The following TEX36 variants were observed in gnomAD, a reference collection of about 807,000 sequenced individuals.
TEX36 encodes the protein testis-expressed protein 36.
Under a neutral mutation model 13.6 loss-of-function variants are expected in TEX36, and 12 were observed. That is an observed-to-expected ratio of 0.88 (90% CI 0.56 to 1.43). The LOEUF is 1.43. Among genes scored for constraint, TEX36 ranks in the 40% most tolerant of loss-of-function variants. The probability of loss-of-function intolerance (pLI) is 0.00; values close to 1 mark genes in which losing one functional copy is unlikely to be tolerated. For missense variants in TEX36, 224 were observed against 228.3 expected (o/e 0.98, Z 0.12); for synonymous variants, 93 against 83.0 (o/e 1.12, Z -0.65).
chr10:125,676,617 A>T (rs1589790920), intron 1 of TEX36, among the ~76,000 whole-genome samples: 1 of 152,034 alleles, frequency 6.6e-6, no homozygotes, highest in African/African-American at 2.4e-5. Context: ...GTTTCTGTTC[A>T]AAGTTATTAT....
intron 2 of TEX36, 149 bp from the exon 3 acceptor site, chr10:125,661,250 C>A: frequency 1.5e-6 from 1 of 681,706 alleles, no homozygotes; most frequent in South Asian, 1.7e-5. Flanking sequence ...GGAGCAGACA[C>A]AGGAGGGGGA....
At chr10:125,639,493 C>T (rs1846657406) in intron 3 of TEX36, among the ~76,000 whole-genome samples, 1 of 151,616 alleles carries the variant, frequency 6.6e-6, no homozygotes, top group Non-Finnish European at 1.5e-5. Context: ...AAATTGTCAC[C>T]GAATGATGAG....
rs375181183 is a variant in TEX36 at position 125,630,628 on chromosome 10, C to T, written c.265-8983G>A. Among the ~76,000 whole-genome samples, 4 of 152,170 alleles carry T rather than the reference C, an allele frequency of 2.6e-5. No homozygotes were observed. The East Asian group carries it at 5.8e-4, about 22-fold the overall frequency. On this transcript the variant is annotated intron_variant, in intron 3 of 3. Transcript: ENST00000526819. The stretch of plus-strand genomic sequence containing the variant: ...AGGGGACTGCCTAAGGACATGAATA[C>T]GGGGAAATGCGAGTTATTCGGGCAT...
intron 1 of TEX36, among the ~76,000 whole-genome samples, chr10:125,678,437 T>G (rs1847344065): frequency 6.6e-6 from 1 of 152,062 alleles, no homozygotes; most frequent in South Asian, 2.1e-4. Flanking sequence ...ATGTCTATCT[T>G]TGTGCCTCAG....
chr10:125,631,058 G>T (rs1158482571), intron 3 of TEX36, among the ~76,000 whole-genome samples: 1 of 152,132 alleles, frequency 6.6e-6, no homozygotes, highest in African/African-American at 2.4e-5. Context: ...GGAGAAATAC[G>T]AATGACTAAT....
intron 3 of TEX36, among the ~76,000 whole-genome samples, chr10:125,631,809 T>G (rs1472523356): frequency 1.3e-5 from 2 of 151,664 alleles, no homozygotes; most frequent in East Asian, 3.9e-4. Context: ...AGAAAGTGAG[T>G]ATTTGGAAGC....
intron 3 of TEX36, among the ~76,000 whole-genome samples, chr10:125,660,031 C>T (rs770849110): frequency 7.2e-5 from 11 of 152,104 alleles, no homozygotes; most frequent in Non-Finnish European, 1.3e-4. Context: ...ATTTTAAAGA[C>T]TTGGTTTGGA....
rs182025827 is a variant in TEX36, at chr10:125,641,901, T to C, written c.264+19120A>G. Among the ~76,000 whole-genome samples the C allele has an allele frequency of 2.6e-5, 4 of 152,340 alleles. No homozygotes were observed. In the East Asian group the frequency reaches 7.7e-4, roughly 29 times the overall value. ...GAATTGTGAGGTGGTTGGACAGTGT[T>C]ATCTCTTTTGTAGAAAACTATTAAG... On this transcript the variant is annotated intron_variant, in intron 3 of 3. Transcript: ENST00000526819.
At chr10:125,659,252 T>G (rs1257423053) in intron 3 of TEX36, among the ~76,000 whole-genome samples, 2 of 152,172 alleles carry the variant, frequency 1.3e-5, no homozygotes, top group Non-Finnish European at 2.9e-5. Flanking sequence ...ATAGAGAAAG[T>G]TGGAAAGCTT....
At position 125,594,451 on chromosome 10, in the gene TEX36, C is replaced by T. The variant is rs144324728; in HGVS notation, c.265-17577G>A. On this transcript the variant is annotated intron_variant, in intron 3 of 3. Coordinates refer to the TEX36 transcript ENST00000532135. The stretch of plus-strand genomic sequence containing the variant: ...GCTTGAGCTCTCATATACTCAGCAA[C>T]ACAGCTTCAAGATAGTGGAAGCAGC... Among the ~76,000 whole-genome samples, 4 of 152,296 alleles carry T rather than the reference C, an allele frequency of 2.6e-5. No individual in the cohort carries two copies. In the East Asian group the frequency reaches 7.7e-4, roughly 29 times the overall value.
intron 3 of TEX36, among the ~76,000 whole-genome samples, chr10:125,636,203 A>AT (rs748673256): frequency 0.014 from 1,686 of 121,680 alleles, 20 homozygotes; most frequent in East Asian, 0.039. Flanking sequence ...TGTTTGCTGA[A>AT]TTTTTTTTTT....
intron 3 of TEX36, among the ~76,000 whole-genome samples, chr10:125,637,253 G>A (rs1274489418): frequency 2.0e-5 from 3 of 151,588 alleles, no homozygotes; most frequent in East Asian, 1.9e-4. Context: ...AGGCTGCAAC[G>A]AGCCATGATA....
chr10:125,597,360 T>C (rs893883029), intron 3 of TEX36, among the ~76,000 whole-genome samples: 2 of 152,160 alleles, frequency 1.3e-5, no homozygotes, highest in African/African-American at 4.8e-5. Flanking sequence ...AACACTCACA[T>C]GGGCATTTGC....
rs571381888 is a variant in TEX36, at chr10:125,677,079, G to A, written c.51+5860C>T. On this transcript the variant is annotated intron_variant, in intron 1 of 3. Transcript: ENST00000368821. ...CTGAGAAACCTATTGTTAGTCTGACGGAGTTTCCTTTATTGATGACTAATG... is the reference window on the plus strand; with the variant it reads ...CTGAGAAACCTATTGTTAGTCTGACAGAGTTTCCTTTATTGATGACTAATG... 5.9e-5 allele frequency among the ~76,000 whole-genome samples: 9 copies of A among 152,274 alleles called. No homozygotes were observed. The East Asian group carries it at 1.3e-3, about 23-fold the overall frequency.
intron 3 of TEX36, among the ~76,000 whole-genome samples, chr10:125,643,963 T>A (rs1365596836): frequency 6.6e-6 from 1 of 151,620 alleles, no homozygotes; most frequent in African/African-American, 2.4e-5. Flanking sequence ...AAAAACAACA[T>A]GAGCATAAAA....
intron 3 of TEX36, among the ~76,000 whole-genome samples, chr10:125,589,701 G>A (rs1032461244): frequency 3.3e-5 from 5 of 152,102 alleles, no homozygotes; most frequent in Non-Finnish European, 7.4e-5. Flanking sequence ...TTGCATTCCT[G>A]GGATAGTGCA....
At chr10:125,655,435 T>C (rs1846922863), downstream of TEX36, among the ~76,000 whole-genome samples, 1 of 152,040 alleles carries the variant, frequency 6.6e-6, no homozygotes, top group Admixed American at 6.6e-5. Flanking sequence ...ACAGAGACTG[T>C]CTCAAAACAA....
rs368632038 is a variant in TEX36 at position 125,636,761 on chromosome 10, T to A, written c.265-15116A>T. Among the ~76,000 whole-genome samples the A allele has an allele frequency of 3.0e-4, 45 of 152,228 alleles. 1 individual carries two copies. The East Asian group carries it at 8.1e-3, about 27-fold the overall frequency. ...CACTCTCAGTTCCCTGCCGCTGTAC[T>A]TGTGTGTGGGTGAGCTAAGAACACT... On this transcript the variant is annotated intron_variant, in intron 3 of 3. Coordinates refer to the TEX36 transcript ENST00000526819.
chr10:125,587,345 T>C (rs1218686248), intron 3 of TEX36, among the ~76,000 whole-genome samples: 1 of 152,162 alleles, frequency 6.6e-6, no homozygotes, highest in Non-Finnish European at 1.5e-5. Flanking sequence ...TTTTATGTTT[T>C]GTATTATCAT....
Sources: allele counts gnomAD v4.1 joint callset (sites outside exome capture counted in the v4.1 genomes callset), GRCh38; gene constraint gnomAD v4.1.1; transcripts MANE v1.5; gene names NCBI Gene and HGNC (gene_info 2026-07-23, HGNC 2026-07-21).